CSMD1: variants seen among roughly 807,000 people sequenced by gnomAD.
CSMD1 encodes CUB and Sushi multiple domains 1.
A neutral mutation model predicts 417.5 loss-of-function variants in CSMD1; 213 were observed. The observed-to-expected ratio is 0.51, with a 90% CI of 0.46 to 0.57. The LOEUF (loss-of-function observed/expected upper bound fraction) is 0.57. Among genes scored for constraint, CSMD1 ranks in the 20% least tolerant of loss-of-function variants. The pLI is 0.00. For synonymous variants in CSMD1, 2,862 were observed against 1,736.8 expected, an observed-to-expected ratio of 1.65 and a Z score of -16.11; for missense variants, 6,923 against 4,529.7, an observed-to-expected ratio of 1.53 and a Z score of -15.17.
intron 1 of CSMD1, among the ~76,000 whole-genome samples, chr8:4,953,191 G>A (rs1808866046): frequency 6.6e-6 from 1 of 152,182 alleles, no homozygotes; most frequent in African/African-American, 2.4e-5. Flanking sequence ...AGCACTCATT[G>A]TAGGAGGAAA....
chr8:3,291,407 G>T (rs1467145023), intron 25 of CSMD1, among the ~76,000 whole-genome samples: 1 of 152,114 alleles, frequency 6.6e-6, no homozygotes, highest in African/African-American at 2.4e-5. Flanking sequence ...ATTGGTAGCA[G>T]CTCCTTTTTG....
intron 5 of CSMD1, among the ~76,000 whole-genome samples, chr8:3,962,478 C>T (rs970127268): frequency 1.3e-5 from 2 of 152,108 alleles, no homozygotes; most frequent in East Asian, 3.9e-4. Context: ...GATGTCACCC[C>T]CTGTTTATGA....
chr8:4,239,576 G>T (rs188843938), intron 3 of CSMD1, among the ~76,000 whole-genome samples: 75 of 152,242 alleles, frequency 4.9e-4, no homozygotes, highest in African/African-American at 1.8e-3. Context: ...TAACCCTCCA[G>T]TAAATCCCCT....
intron 2 of CSMD1, among the ~76,000 whole-genome samples, chr8:4,583,124 C>T (rs1278316342): frequency 2.6e-5 from 4 of 152,208 alleles, no homozygotes; most frequent in Non-Finnish European, 1.5e-5. Flanking sequence ...ACTCCATGGG[C>T]TCCTGTGCGG....
chr8:3,638,062 T>C (rs968304873), intron 7 of CSMD1, among the ~76,000 whole-genome samples: 8 of 152,244 alleles, frequency 5.3e-5, no homozygotes, highest in South Asian at 2.1e-4. Flanking sequence ...TATAGGAGCA[T>C]GGCTTTTCTA....
At chr8:3,740,423 G>A (rs1796738166) in intron 6 of CSMD1, among the ~76,000 whole-genome samples, 1 of 152,220 alleles carries the variant, frequency 6.6e-6, no homozygotes, top group Admixed American at 6.5e-5. Flanking sequence ...AGAGCCAAAT[G>A]CCTGGTACAG....
intron 26 of CSMD1, among the ~76,000 whole-genome samples, chr8:3,247,606 A>C (rs1284225640): frequency 6.6e-6 from 1 of 152,124 alleles, no homozygotes; most frequent in African/African-American, 2.4e-5. Context: ...CTGTGGGGAG[A>C]ACATCAGCCA....
rs141493490 is a variant in CSMD1, at chr8:3,115,632, A to G, written c.6430+2767T>C. On this transcript the variant is annotated intron_variant, in intron 42 of 69. Transcript: ENST00000635120. ...TTCTTTCATTTGTTTACTTTCATAGATATCATAATTTCAGATCACAGTTTT... is the reference window on the plus strand; with the variant it reads ...TTCTTTCATTTGTTTACTTTCATAGGTATCATAATTTCAGATCACAGTTTT... Among the ~76,000 whole-genome samples the G allele has an allele frequency of 6.2e-4, 95 of 152,282 alleles. 1 individual carries two copies. In the East Asian group the frequency reaches 7.7e-3, roughly 12 times the overall value.
chr8:3,899,569 T>A (rs2930379), intron 5 of CSMD1, among the ~76,000 whole-genome samples: 5,666 of 152,200 alleles, frequency 0.037, 329 homozygotes, highest in African/African-American at 0.12. Flanking sequence ...AGGTTGTTGT[T>A]GTAAAATTTC....
intron 1 of CSMD1, among the ~76,000 whole-genome samples, chr8:4,860,126 T>C (rs58090969): frequency 0.2 from 29,970 of 150,858 alleles, 3,315 homozygotes; most frequent in East Asian, 0.3. Flanking sequence ...ATGGATGAAA[T>C]TGGAAATCAT....
intron 2 of CSMD1, among the ~76,000 whole-genome samples, chr8:4,436,859 T>C (rs1411931478): frequency 6.6e-6 from 1 of 152,210 alleles, no homozygotes; most frequent in Non-Finnish European, 1.5e-5. Context: ...TCATCCTTTT[T>C]GTGGCTGAAG....
At chr8:4,527,886 C>T (rs1465404141) in intron 2 of CSMD1, among the ~76,000 whole-genome samples, 1 of 152,100 alleles carries the variant, frequency 6.6e-6, no homozygotes, top group African/African-American at 2.4e-5. Context: ...TCAGACTTAA[C>T]AGGGGAAGAT....
chr8:3,657,982 T>A (rs76964714), intron 7 of CSMD1, among the ~76,000 whole-genome samples: 7,797 of 152,296 alleles, frequency 0.051, 258 homozygotes, highest in South Asian at 0.087. Flanking sequence ...ATCAAATATA[T>A]TCTATAAAGA....
intron 7 of CSMD1, among the ~76,000 whole-genome samples, chr8:3,647,697 T>C (rs140994658): frequency 2.0e-5 from 3 of 152,192 alleles, no homozygotes; most frequent in African/African-American, 7.2e-5. Flanking sequence ...TTGTAAGACA[T>C]TGATTTTCTT....
intron 1 of CSMD1, among the ~76,000 whole-genome samples, chr8:4,901,725 G>A (rs1342318576): frequency 2.0e-5 from 3 of 152,212 alleles, no homozygotes; most frequent in Non-Finnish European, 2.9e-5. Context: ...CATAGAGGAT[G>A]CTGAATCATA....
intron 12 of CSMD1, among the ~76,000 whole-genome samples, chr8:3,414,038 C>A (rs1275590752): frequency 1.3e-5 from 2 of 150,492 alleles, no homozygotes; most frequent in African/African-American, 4.9e-5. Flanking sequence ...ACTGGGGAGG[C>A]TGAAGCAGGA....
At chr8:4,876,383 T>C (rs751898937) in intron 1 of CSMD1, among the ~76,000 whole-genome samples, 1 of 152,100 alleles carries the variant, frequency 6.6e-6, no homozygotes, top group South Asian at 2.1e-4. Context: ...CTCTCTGAAA[T>C]ACAGAGCAAA....
intron 3 of CSMD1, among the ~76,000 whole-genome samples, chr8:4,204,022 G>C (rs950825998): frequency 6.6e-6 from 1 of 152,146 alleles, no homozygotes; most frequent in Admixed American, 6.5e-5. Flanking sequence ...AATCACTTGA[G>C]CCCAGTGGGC....
intron 3 of CSMD1, among the ~76,000 whole-genome samples, chr8:4,305,902 C>G (rs933947895): frequency 4.6e-5 from 7 of 152,166 alleles, no homozygotes; most frequent in African/African-American, 1.7e-4. Flanking sequence ...TCTCAAGCAT[C>G]AGAATGTTTA....
Sources: gnomAD v4.1 joint callset for allele counts (sites outside exome capture counted in the v4.1 genomes callset) on GRCh38, gnomAD v4.1.1 for gene constraint, MANE v1.5 for transcripts, NCBI Gene and HGNC (gene_info 2026-07-23, HGNC 2026-07-21) for gene names.